Variants in IQCM observed in about 807,000 individuals in gnomAD.
IQCM encodes IQ motif containing M.
A neutral mutation model predicts 57.6 loss-of-function variants in IQCM; 45 were observed. That is an observed-to-expected ratio of 0.78 (90% CI 0.62 to 1.00). The LOEUF (loss-of-function observed/expected upper bound fraction) is 1.00, where lower values mean the gene tolerates loss of function less well. IQCM is among the 50% of genes least tolerant of loss of function. The probability of loss-of-function intolerance (pLI) is 0.00; values close to 1 mark genes in which losing one functional copy is unlikely to be tolerated. For synonymous variants in IQCM, 148 were observed against 158.9 expected, an observed-to-expected ratio of 0.93 and a Z score of 0.51; for missense variants, 468 against 511.6, an observed-to-expected ratio of 0.91 and a Z score of 0.82.
chr4:149,468,116 G>C (rs570528998), intron 12 of IQCM, among the ~76,000 whole-genome samples: 1 of 152,290 alleles, frequency 6.6e-6, no homozygotes, highest in Admixed American at 6.5e-5. Flanking sequence ...AAACTGAGGT[G>C]CTGGGTTCAA....
At chr4:149,461,202 C>A (rs550620704) in intron 12 of IQCM, among the ~76,000 whole-genome samples, 11 of 141,704 alleles carry the variant, frequency 7.8e-5, no homozygotes, top group African/African-American at 2.4e-4. Flanking sequence ...CATTGCACTC[C>A]AGCCCGGGCA....
chr4:149,705,268 A>C (rs967612687), intron 5 of IQCM, among the ~76,000 whole-genome samples: 7 of 148,682 alleles, frequency 4.7e-5, no homozygotes, highest in Non-Finnish European at 1.0e-4. Flanking sequence ...ATATATAAAA[A>C]TTAGGGCTCT....
intron 2 of IQCM, among the ~76,000 whole-genome samples, chr4:149,799,881 A>C (rs1380654982): frequency 6.6e-6 from 1 of 151,414 alleles, no homozygotes; most frequent in Non-Finnish European, 1.5e-5. Flanking sequence ...ACAAAAAAAA[A>C]CCCAGGACCT....
intron 12 of IQCM, among the ~76,000 whole-genome samples, chr4:149,529,534 C>T (rs565639634): frequency 6.6e-6 from 1 of 152,308 alleles, no homozygotes; most frequent in Admixed American, 6.5e-5. Context: ...TCCTACAGGC[C>T]ATATGCTAGG....
At chr4:149,507,884 G>A (rs1411045449) in intron 12 of IQCM, among the ~76,000 whole-genome samples, 8 of 152,072 alleles carry the variant, frequency 5.3e-5, no homozygotes, top group African/African-American at 7.2e-5. Context: ...AGAGGTTTGG[G>A]AGGGAAAAAT....
rs551360519 is a variant in IQCM, at chr4:149,449,341, A to G, written c.1229-15784T>C. Among the ~76,000 whole-genome samples, 172 of 146,106 alleles carry G rather than the reference A, an allele frequency of 1.2e-3. 1 individual carries two copies. Among genetic ancestry groups the G allele is most frequent in the African/African-American group, 4.2e-3 (169 of 40,204 alleles). ...AGGTTTATATATATATAAATAAATT[A>G]TATTATATGTATATATTATATACAT... On this transcript the variant is annotated intron_variant, in intron 12 of 13. Transcript: ENST00000636793.
At chr4:149,445,073 C>T (rs1294821594) in intron 12 of IQCM, among the ~76,000 whole-genome samples, 2 of 151,812 alleles carry the variant, frequency 1.3e-5, no homozygotes, top group Admixed American at 1.3e-4. Flanking sequence ...TCATTATTTT[C>T]CTTTAACCCT....
chr4:149,449,018 A>T (rs920651406), intron 12 of IQCM, among the ~76,000 whole-genome samples: 5 of 151,762 alleles, frequency 3.3e-5, no homozygotes, highest in Non-Finnish European at 5.9e-5. Flanking sequence ...AATATATTCC[A>T]AGAGAATTAC....
chr4:149,428,158 T>C (rs1248741531), intron 13 of IQCM, among the ~76,000 whole-genome samples: 4 of 151,846 alleles, frequency 2.6e-5, no homozygotes, highest in African/African-American at 9.7e-5. Context: ...CTTAGTTTTT[T>C]ACCAGGATAG....
At chr4:149,374,130 C>A (rs1028115607) in intron 13 of IQCM, among the ~76,000 whole-genome samples, 2 of 152,118 alleles carry the variant, frequency 1.3e-5, no homozygotes, top group African/African-American at 4.8e-5. Context: ...ATTCAAAACT[C>A]CAATCCAATG....
intron 13 of IQCM, among the ~76,000 whole-genome samples, chr4:149,398,635 G>A (rs1732399036): frequency 6.6e-6 from 1 of 151,924 alleles, no homozygotes; most frequent in Admixed American, 6.6e-5. Flanking sequence ...TTTTCTTAAT[G>A]TACTTTCTGG....
chr4:149,455,602 GAAAT>G, intron 12 of IQCM, among the ~76,000 whole-genome samples: 1 of 152,146 alleles, frequency 6.6e-6, no homozygotes. Context: ...CTAGATACAA[GAAAT>G]AAATGAATTA....
In IQCM at chr4:149,640,616, C is replaced by T. The variant is rs145897615; in HGVS notation, c.566-19372G>A. ...TTCTGGACTGCTTAAATTCTAACCA[C>T]ATTTTGCATTTCTATATCATCTTTA... On this transcript the variant is annotated intron_variant, in intron 7 of 13. Coordinates refer to ENST00000636793, the MANE Select transcript of IQCM (RefSeq NM_001363507.2). Among the ~76,000 whole-genome samples the T allele has an allele frequency of 5.9e-5, 9 of 152,242 alleles. No homozygotes were observed. In the East Asian group the frequency reaches 1.5e-3, roughly 26 times the overall value.
intron 12 of IQCM, among the ~76,000 whole-genome samples, chr4:149,528,643 G>A (rs1746423582): frequency 6.6e-6 from 1 of 152,132 alleles, no homozygotes; most frequent in East Asian, 1.9e-4. Context: ...TGAGGTAACA[G>A]AACATGGCAA....
chr4:149,663,318 A>T (rs185182491), intron 7 of IQCM, among the ~76,000 whole-genome samples: 1 of 151,956 alleles, frequency 6.6e-6, no homozygotes, highest in African/African-American at 2.4e-5. Context: ...TAGAACAACG[A>T]AAGATTTAGA....
chr4:149,621,512 T>C (rs1224816903), intron 7 of IQCM, among the ~76,000 whole-genome samples: 1 of 152,192 alleles, frequency 6.6e-6, no homozygotes, highest in East Asian at 1.9e-4. Context: ...ATAGGTTCAT[T>C]CTCTTTACTA....
chr4:149,435,062 A>G (rs962013101), intron 12 of IQCM, among the ~76,000 whole-genome samples: 1 of 152,090 alleles, frequency 6.6e-6, no homozygotes, highest in African/African-American at 2.4e-5. Context: ...TTCTTTCCTC[A>G]GGTGCTCTGC....
intron 12 of IQCM, among the ~76,000 whole-genome samples, chr4:149,541,538 T>G (rs1405263946): frequency 2.0e-5 from 3 of 152,040 alleles, no homozygotes; most frequent in Admixed American, 1.3e-4. Context: ...CACCCACAAT[T>G]TATTATTTTC....
At chr4:149,583,519 A>G (rs1752392363) in intron 9 of IQCM, among the ~76,000 whole-genome samples, 1 of 151,542 alleles carries the variant, frequency 6.6e-6, no homozygotes, top group African/African-American at 2.4e-5. Flanking sequence ...TCGAAGTTCA[A>G]CAAAAGGAAA....
Sources: allele counts gnomAD v4.1 joint callset (sites outside exome capture counted in the v4.1 genomes callset), GRCh38; gene constraint gnomAD v4.1.1; transcripts MANE v1.5; gene names NCBI Gene and HGNC (gene_info 2026-07-23, HGNC 2026-07-21).